The following HS3ST4 variants were observed in gnomAD, a reference collection of about 807,000 sequenced individuals.
The protein encoded by HS3ST4 is heparan sulfate glucosamine 3-O-sulfotransferase 4.
HS3ST4 carries 17 observed loss-of-function variants against 29.2 expected under a neutral mutation model. The observed-to-expected ratio is 0.58, with a 90% confidence interval of 0.40 to 0.87. HS3ST4 has a LOEUF of 0.87. Among genes scored for constraint, HS3ST4 ranks in the 40% least tolerant of loss-of-function variants. HS3ST4 has a pLI of 0.00. For missense variants in HS3ST4, 627 were observed against 634.5 expected (o/e 0.99, Z 0.13); for synonymous variants, 314 against 285.7 (o/e 1.10, Z -1.00).
chr16:25,977,263 G>A (rs1490199157), intron 1 of HS3ST4, among the ~76,000 whole-genome samples: 2 of 152,042 alleles, frequency 1.3e-5, no homozygotes, highest in African/African-American at 4.8e-5. Context: ...GGACATCCTC[G>A]GTCCATCACA....
intron 1 of HS3ST4, among the ~76,000 whole-genome samples, chr16:25,946,050 T>C (rs973692025): frequency 6.6e-6 from 1 of 152,224 alleles, no homozygotes; most frequent in African/African-American, 2.4e-5. Flanking sequence ...TGCTTAATAC[T>C]ATGAAGGGGC....
At chr16:26,003,235 CACTT>C (rs1969228222) in intron 1 of HS3ST4, among the ~76,000 whole-genome samples, 1 of 152,160 alleles carries the variant, frequency 6.6e-6, no homozygotes, top group Admixed American at 6.6e-5. Flanking sequence ...CTGGTTTCAC[CACTT>C]ACTTAGCTTG....
intron 1 of HS3ST4, among the ~76,000 whole-genome samples, chr16:25,753,925 A>G (rs1472604792): frequency 6.6e-6 from 1 of 152,208 alleles, no homozygotes; most frequent in Non-Finnish European, 1.5e-5. Flanking sequence ...GCCTTCATGC[A>G]ATTTGCTAGT....
intron 1 of HS3ST4, among the ~76,000 whole-genome samples, chr16:25,973,158 G>A (rs1044916986): frequency 6.6e-6 from 1 of 152,210 alleles, no homozygotes; most frequent in Non-Finnish European, 1.5e-5. Context: ...CAGAGATGCA[G>A]AGCTCTAAGG....
intron 1 of HS3ST4, among the ~76,000 whole-genome samples, chr16:25,776,878 A>G (rs1966847967): frequency 6.6e-6 from 1 of 152,130 alleles, no homozygotes; most frequent in Non-Finnish European, 1.5e-5. Context: ...CTGAGATGTC[A>G]TGTTCTTGCT....
chr16:26,016,787 G>T (rs1421056679), intron 1 of HS3ST4, among the ~76,000 whole-genome samples: 1 of 152,160 alleles, frequency 6.6e-6, no homozygotes, highest in Non-Finnish European at 1.5e-5. Context: ...AAGATATTAA[G>T]TGAGTGTGAT....
chr16:25,789,865 C>T (rs1482981732), intron 1 of HS3ST4, among the ~76,000 whole-genome samples: 4 of 152,162 alleles, frequency 2.6e-5, no homozygotes, highest in Non-Finnish European at 5.9e-5. Context: ...TTAATAGTCC[C>T]ACGTTGTTTG....
chr16:25,733,176 A>C (rs1251982934), intron 1 of HS3ST4, among the ~76,000 whole-genome samples: 1 of 152,182 alleles, frequency 6.6e-6, no homozygotes, highest in Non-Finnish European at 1.5e-5. Context: ...ATGCAAACAC[A>C]TGCATCTTAT....
chr16:25,896,462 C>A (rs547259802), intron 1 of HS3ST4, among the ~76,000 whole-genome samples: 2 of 152,274 alleles, frequency 1.3e-5, no homozygotes, highest in East Asian at 3.9e-4. Context: ...CGTGTCACAC[C>A]AGTCAGAATG....
chr16:25,914,029 AGCATGT>A (rs1417506542), intron 1 of HS3ST4, among the ~76,000 whole-genome samples: 1 of 134,454 alleles, frequency 7.4e-6, no homozygotes, highest in African/African-American at 2.9e-5. Context: ...ATGTGGAGGG[AGCATGT>A]GTATGTGTGT....
intron 1 of HS3ST4, among the ~76,000 whole-genome samples, chr16:25,760,108 C>T (rs563065800): frequency 6.6e-6 from 1 of 152,000 alleles, no homozygotes; most frequent in African/African-American, 2.4e-5. Flanking sequence ...ATAGCCCTAA[C>T]CCTAACCCTA....
intron 1 of HS3ST4, among the ~76,000 whole-genome samples, chr16:25,769,865 G>T (rs550185307): frequency 1.3e-5 from 2 of 152,238 alleles, no homozygotes; most frequent in South Asian, 4.1e-4. Flanking sequence ...AGGGGCAATG[G>T]GGAGACAACA....
At chr16:25,834,245 G>A (rs909090383) in intron 1 of HS3ST4, among the ~76,000 whole-genome samples, 11 of 152,218 alleles carry the variant, frequency 7.2e-5, no homozygotes, top group African/African-American at 2.7e-4. Context: ...TTGGAAATGT[G>A]TAAACATTCT....
At chr16:25,699,319 A>T (rs1038969436) in intron 1 of HS3ST4, among the ~76,000 whole-genome samples, 3 of 152,190 alleles carry the variant, frequency 2.0e-5, no homozygotes, top group African/African-American at 2.4e-5. Context: ...TCCCGGATAT[A>T]TTGCAACATC....
At chr16:25,924,009 C>T (rs980171295) in intron 1 of HS3ST4, among the ~76,000 whole-genome samples, 1 of 152,182 alleles carries the variant, frequency 6.6e-6, no homozygotes, top group Non-Finnish European at 1.5e-5. Flanking sequence ...CTTTGGCCAC[C>T]TATATTCAAA....
At chr16:25,877,064 A>G (rs1435771467) in intron 1 of HS3ST4, among the ~76,000 whole-genome samples, 1 of 152,014 alleles carries the variant, frequency 6.6e-6, no homozygotes, top group Non-Finnish European at 1.5e-5. Flanking sequence ...GTCATCCTAG[A>G]TGGGTCTTTA....
chr16:25,939,273 G>A (rs1262221122), intron 1 of HS3ST4, among the ~76,000 whole-genome samples: 2 of 151,108 alleles, frequency 1.3e-5, no homozygotes, highest in Admixed American at 6.6e-5. Context: ...GATTTTATGG[G>A]TACTCTTTCA....
chr16:25,873,264 A>G (rs1967775626), intron 1 of HS3ST4, among the ~76,000 whole-genome samples: 4 of 150,874 alleles, frequency 2.7e-5, no homozygotes, highest in African/African-American at 9.7e-5. Context: ...CCATCCATCC[A>G]TCCATTTGTC....
At chr16:25,755,369 GCA>G (rs1356516097) in intron 1 of HS3ST4, among the ~76,000 whole-genome samples, 1 of 152,176 alleles carries the variant, frequency 6.6e-6, no homozygotes, top group Non-Finnish European at 1.5e-5. Flanking sequence ...GACATTCCGG[GCA>G]TGCTTTGGAG....
Sources: allele counts gnomAD v4.1 joint callset (sites outside exome capture counted in the v4.1 genomes callset), GRCh38; gene constraint gnomAD v4.1.1; transcripts MANE v1.5; gene names NCBI Gene and HGNC (gene_info 2026-07-23, HGNC 2026-07-21).